Variants in CAPN1 observed in about 807,000 individuals in gnomAD.
CAPN1 encodes the protein calpain 1.
Under a neutral mutation model 105.2 loss-of-function variants are expected in CAPN1, and 77 were observed. That is an observed-to-expected ratio of 0.73 (90% CI 0.61 to 0.88). The LOEUF (loss-of-function observed/expected upper bound fraction) is 0.88, where lower values mean the gene tolerates loss of function less well. CAPN1 is among the 40% of genes least tolerant of loss of function. The pLI is 0.00. For synonymous variants in CAPN1, 355 were observed against 388.8 expected, an observed-to-expected ratio of 0.91 and a Z score of 1.02; for missense variants, 833 against 976.6, an observed-to-expected ratio of 0.85 and a Z score of 1.96.
At chr11:65,189,027 C>T (rs1948683255) in intron 10 of CAPN1, among the ~76,000 whole-genome samples, 3 of 151,752 alleles carry the variant, frequency 2.0e-5, no homozygotes, top group South Asian at 4.2e-4. Context: ...CTCCTGCCTT[C>T]GCTTTTTTTT....
intron 10 of CAPN1, among the ~76,000 whole-genome samples, chr11:65,200,381 G>A (rs1227841298): frequency 2.6e-5 from 4 of 151,386 alleles, no homozygotes; most frequent in African/African-American, 9.7e-5. Context: ...CTCTCACTCT[G>A]TCGCCCAGGC....
rs1331058635 is a variant in CAPN1 at position 65,210,246 on chromosome 11, C to A, written c.1943-90C>A. 2 of 1,154,656 alleles carry A rather than the reference C, an allele frequency of 1.7e-6. No individual in the cohort carries two copies. Among genetic ancestry groups the A allele is most frequent in the African/African-American group, 3.0e-5 (2 of 65,630 alleles). 71.5% of individuals were successfully genotyped at this position (1,154,656 alleles called of 1,614,324 possible). Reference sequence around the variant, plus strand: ...CCACGGTTACTAGCACCCTGCCTAGCCCCAGCCCCCTCCTGGGGACCCAAC... The same window carrying A: ...CCACGGTTACTAGCACCCTGCCTAGACCCAGCCCCCTCCTGGGGACCCAAC... On this transcript the variant is annotated intron_variant, in intron 19 of 21. Coordinates refer to ENST00000279247, the MANE Select transcript of CAPN1 (RefSeq NM_005186.4). This position sits in a 1 kb window ranked among gnomAD's most constrained non-coding sequence, Gnocchi z 4.3.
chr11:65,188,532 C>T lies in CAPN1; in HGVS notation c.1004+44C>T, dbSNP rs377526801. 1.4e-5 allele frequency: 22 copies of T among 1,613,070 alleles called. No homozygotes were observed. In the Admixed American group the frequency reaches 1.5e-4, roughly 11 times the overall value. ...TCTACCCCACCTCTCCACCCCTACA[C>T]ATCAGCTCTGTGCCCTGACGGGCTG... On this transcript the variant is annotated intron_variant, in intron 9 of 21. Coordinates refer to ENST00000279247, the MANE Select transcript of CAPN1 (RefSeq NM_005186.4). This position sits in a 1 kb window ranked among gnomAD's most constrained non-coding sequence, Gnocchi z 5.5.
Position 65,198,448 on chromosome 11 carries a change from A to C in CAPN1, c.1166-6235A>C, listed in dbSNP as rs141642193. Among the ~76,000 whole-genome samples the C allele has an allele frequency of 3.9e-3, 598 of 152,198 alleles. 6 individuals are homozygous for C. The highest frequency in any genetic ancestry group is 0.014 in the African/African-American group (579 of 41,554). Reference sequence around the variant, plus strand: ...GGCGTGAGCCACTGTGCCCAGCCCTAATCAATGACTTTACCCTCCTCGTGA... The same window carrying C: ...GGCGTGAGCCACTGTGCCCAGCCCTCATCAATGACTTTACCCTCCTCGTGA... On this transcript the variant is annotated intron_variant, in intron 10 of 21. Coordinates refer to ENST00000279247, the MANE Select transcript of CAPN1 (RefSeq NM_005186.4).
intron 10 of CAPN1, among the ~76,000 whole-genome samples, chr11:65,198,571 C>A (rs1433121936): frequency 6.6e-6 from 1 of 151,722 alleles, no homozygotes; most frequent in East Asian, 1.9e-4. Context: ...TTTTTTTTTC[C>A]TGCCATAATT....
rs1218012171 is a variant in CAPN1 at position 65,210,189 on chromosome 11, G to A, written c.1942+93G>A. ...GGCCCTTGTCCCTGGGGTGCTAGTG[G>A]TGACATGGTAACAGCCATCTTGTCC... is the stretch of plus-strand genomic sequence containing the variant. On this transcript the variant is annotated intron_variant, in intron 19 of 21. Transcript: ENST00000279247. The surrounding 1 kb of genome is among the most constrained non-coding windows in gnomAD (Gnocchi z 4.3). 2.5e-6 allele frequency: 3 copies of A among 1,206,254 alleles called. No individual in the cohort carries two copies. Among genetic ancestry groups the A allele is most frequent in the East Asian group, 4.7e-5 (2 of 42,608 alleles). The allele number at this position is 1,206,254 out of a possible 1,614,324, so 74.7% of individuals were successfully genotyped here.
chr11:65,206,791 A>G lies in CAPN1; in HGVS notation c.1577A>G (p.Asp526Gly). 1 of 1,612,670 alleles carries G rather than the reference A, an allele frequency of 6.2e-7. No individual in the cohort carries two copies. The highest frequency in any genetic ancestry group is 8.5e-7 in the Non-Finnish European group (1 of 1,179,448). Residue 526 changes from aspartate to glycine, a missense_variant, in exon 14 of 22, where the codon GAC becomes GGC. By Grantham distance (94) the Asp-to-Gly change is moderately conservative. Transcript: ENST00000279247. ...CCCACTCTCTGCAGGGAGCTGGATG[A>G]CCAGATCCAGGCCAATCTCCCCGAT... Reference protein sequence around the residue: ...EKSAGTVELDDQIQANLPDEQ... With the variant: ...EKSAGTVELDGQIQANLPDEQ...
rs200133179 is a variant in CAPN1, at chr11:65,188,662, C to T, written c.1081C>T (p.Arg361Trp). The T allele has an allele frequency of 7.4e-6, 12 of 1,613,844 alleles. No homozygotes were observed. The highest frequency in any genetic ancestry group is 5.0e-5 in the Admixed American group (3 of 59,994). Residue 361 changes from arginine (R) to tryptophan (W), a missense_variant, in exon 10 of 22, where the codon CGG becomes TGG. Physicochemically the swap from Arg to Trp is moderately radical, Grantham distance 101. Transcript: ENST00000279247. The surrounding 1 kb of genome is among the most constrained non-coding windows in gnomAD (Gnocchi z 5.5). ...CNLTPDALKS[R>W]TIRKWNTTLY... ...CCTCACACCCGACGCCCTCAAGAGC[C>T]GGACCATCCGCAAATGGAACACCAC...
Position 65,183,559 on chromosome 11 carries a change from C to A in CAPN1, c.423C>A (p.Phe141Leu). 1 of 1,613,774 alleles carries A rather than the reference C, an allele frequency of 6.2e-7. No individual in the cohort carries two copies. The highest frequency in any genetic ancestry group is 8.5e-7 in the Non-Finnish European group (1 of 1,179,654). Reference protein sequence around the residue: ...LHRVVPHGQSFQNGYAGIFHF... With the variant: ...LHRVVPHGQSLQNGYAGIFHF... Reference sequence around the variant, plus strand: ...GAGTGGTTCCGCACGGCCAGAGCTTCCAGAATGGCTATGCCGGCATCTTCC... The same window carrying A: ...GAGTGGTTCCGCACGGCCAGAGCTTACAGAATGGCTATGCCGGCATCTTCC... Residue 141 changes from phenylalanine to leucine, a missense_variant, in exon 4 of 22, where the codon TTC becomes TTA. By Grantham distance (22) the Phe-to-Leu change is conservative. Coordinates refer to ENST00000279247, the MANE Select transcript of CAPN1 (RefSeq NM_005186.4).
Position 65,210,308 on chromosome 11 carries a change from C to T in CAPN1, c.1943-28C>T. 2 of 1,523,486 alleles carry T rather than the reference C, an allele frequency of 1.3e-6. No individual in the cohort carries two copies. The highest frequency in any genetic ancestry group is 1.8e-6 in the Non-Finnish European group (2 of 1,102,688). 94.4% of individuals were successfully genotyped at this position (1,523,486 alleles called of 1,614,324 possible). ...CCTGTTGGGCAGGGGCTGCGCCTCACTGACCTTCACTCACTCTCCTGGACC... is the reference window on the plus strand; with the variant it reads ...CCTGTTGGGCAGGGGCTGCGCCTCATTGACCTTCACTCACTCTCCTGGACC... On this transcript the variant is annotated intron_variant, in intron 19 of 21. Coordinates refer to ENST00000279247, the MANE Select transcript of CAPN1 (RefSeq NM_005186.4). This position sits in a 1 kb window ranked among gnomAD's most constrained non-coding sequence, Gnocchi z 4.3.
Position 65,188,722 on chromosome 11 carries a change from G to A in CAPN1, c.1141G>A (p.Ala381Thr), listed in dbSNP as rs765152230. 3.2e-6 allele frequency: 5 copies of A among 1,582,936 alleles called. No individual in the cohort carries two copies. Among genetic ancestry groups the A allele is most frequent in the Middle Eastern group, 1.7e-4 (1 of 6,028 alleles). ...YEGTWRRGST[A>T]GGCRNYPATF... ...AGGCACCTGGCGGCGGGGGAGCACC[G>A]CGGGGGGCTGCCGAAACTACCCAGG... Residue 381 changes from alanine (A) to threonine (T), a missense_variant, in exon 10 of 22, where the codon GCG becomes ACG. Transcript: ENST00000279247. This position sits in a 1 kb window ranked among gnomAD's most constrained non-coding sequence, Gnocchi z 5.5.
chr11:65,209,537 G>A lies in CAPN1; in HGVS notation c.1794+150G>A, dbSNP rs567455616. On this transcript the variant is annotated intron_variant, in intron 17 of 21. Coordinates refer to ENST00000279247, the MANE Select transcript of CAPN1 (RefSeq NM_005186.4). This position sits in a 1 kb window ranked among gnomAD's most constrained non-coding sequence, Gnocchi z 4.1. The stretch of plus-strand genomic sequence containing the variant: ...CCCATGCTCAGATGTCTCCCTGGAC[G>A]TCTTCCTGTTGGTTGGGAGGGAGAA... 11 of 722,566 alleles carry A rather than the reference G, an allele frequency of 1.5e-5. No individual in the cohort carries two copies. Among genetic ancestry groups the A allele is most frequent in the South Asian group, 8.5e-5 (5 of 58,746 alleles). The allele number at this position is 722,566 out of a possible 1,614,324, so 44.8% of individuals were successfully genotyped here.
Position 65,188,723 on chromosome 11 carries a change from CG to C in CAPN1, c.1148del (p.Gly383AlafsTer11). On this transcript the variant is annotated frameshift_variant, in exon 10 of 22. Transcript: ENST00000279247. LOFTEE classifies it high-confidence loss of function. The surrounding 1 kb of genome is among the most constrained non-coding windows in gnomAD (Gnocchi z 5.5). ...YEGTWRRGST[A>X]GGCRNYPATF... is the part of the protein sequence containing the mutation. ...GGCACCTGGCGGCGGGGGAGCACCGCGGGGGGCTGCCGAAACTACCCAGGTG... is the reference window on the plus strand; with the variant it reads ...GGCACCTGGCGGCGGGGGAGCACCGCGGGGGCTGCCGAAACTACCCAGGTG... 6.3e-7 allele frequency: 1 copy of C among 1,583,198 alleles called. No individual in the cohort carries two copies. The highest frequency in any genetic ancestry group is 1.1e-5 in the South Asian group (1 of 87,434).
In CAPN1 at chr11:65,188,698, G is replaced by C; in HGVS notation, c.1117G>C (p.Gly373Arg). ...IRKWNTTLYE[G>R]TWRRGSTAGG... is the part of the protein sequence containing the mutation. ...CAAATGGAACACCACACTCTACGAA[G>C]GCACCTGGCGGCGGGGGAGCACCGC... Residue 373 changes from glycine (G) to arginine (R), a missense_variant, in exon 10 of 22, where the codon GGC (glycine) becomes CGC (arginine). Physicochemically the swap from Gly to Arg is moderately radical, Grantham distance 125 (BLOSUM62 -2). Transcript: ENST00000279247. This position sits in a 1 kb window ranked among gnomAD's most constrained non-coding sequence, Gnocchi z 5.5. 1.2e-6 allele frequency: 2 copies of C among 1,607,572 alleles called. No homozygotes were observed. The highest frequency in any genetic ancestry group is 1.7e-6 in the Non-Finnish European group (2 of 1,177,014).
Position 65,209,469 on chromosome 11 carries a change from C to T in CAPN1, c.1794+82C>T, listed in dbSNP as rs1030377507. 1 of 1,195,474 alleles carries T rather than the reference C, an allele frequency of 8.4e-7. No individual in the cohort carries two copies. The highest frequency in any genetic ancestry group is 2.4e-5 in the East Asian group (1 of 40,882). The allele number at this position is 1,195,474 out of a possible 1,614,324, so 74.1% of individuals were successfully genotyped here. A position where few individuals can be genotyped will look rare whatever the true frequency, so the allele number is the denominator to read the frequency against. ...CTGGGAGAACTGTCCCAGGACAGCA[C>T]AGAGAACAGGACAGAGCCATGCGGA... is the stretch of plus-strand genomic sequence containing the variant. On this transcript the variant is annotated intron_variant, in intron 17 of 21. Transcript: ENST00000279247. This position sits in a 1 kb window ranked among gnomAD's most constrained non-coding sequence, Gnocchi z 4.1.
chr11:65,187,171 G>A (rs770972829), intron 6 of CAPN1, 44 bp from the exon 7 acceptor site: 22 of 1,421,170 alleles, frequency 1.5e-5, no homozygotes, highest in Middle Eastern at 3.5e-4. Flanking sequence ...CTGATAGGGC[G>A]GGGGGACCTA....
chr11:65,210,493 C>A lies in CAPN1; in HGVS notation c.2059+41C>A. 2 of 1,201,008 alleles carry A rather than the reference C, an allele frequency of 1.7e-6. No individual in the cohort carries two copies. Among genetic ancestry groups the A allele is most frequent in the South Asian group, 1.3e-5 (1 of 79,918 alleles). 74.4% of individuals were successfully genotyped at this position (1,201,008 alleles called of 1,614,324 possible). Reference sequence around the variant, plus strand: ...TGCCTCCCACCCTCCAGCTCCGTCCCAAACGCGTCCCCCAGGAGCTGGGGG... The same window carrying A: ...TGCCTCCCACCCTCCAGCTCCGTCCAAAACGCGTCCCCCAGGAGCTGGGGG... On this transcript the variant is annotated intron_variant, in intron 20 of 21. Coordinates refer to ENST00000279247, the MANE Select transcript of CAPN1 (RefSeq NM_005186.4). This position sits in a 1 kb window ranked among gnomAD's most constrained non-coding sequence, Gnocchi z 4.3.
Position 65,208,051 on chromosome 11 carries a change from C to T in CAPN1, c.1606-4C>T, listed in dbSNP as rs200745092. 28 of 1,588,786 alleles carry T rather than the reference C, an allele frequency of 1.8e-5. No homozygotes were observed. The highest frequency in any genetic ancestry group is 4.6e-5 in the South Asian group (4 of 87,060). On this transcript the variant is annotated splice_region_variant and splice_polypyrimidine_tract_variant and intron_variant, in intron 14 of 21. Transcript: ENST00000279247. The surrounding 1 kb of genome is among the most constrained non-coding windows in gnomAD (Gnocchi z 4.1). The stretch of plus-strand genomic sequence containing the variant: ...TTACCTGCTTTCTCCCCTTCTCGGT[C>T]CAGCAAGTGCTCTCAGAAGAGGAGA...
chr11:65,198,397 C>T (rs1297647775), intron 10 of CAPN1, among the ~76,000 whole-genome samples: 1 of 152,092 alleles, frequency 6.6e-6, no homozygotes, highest in African/African-American at 2.4e-5. Context: ...CCACCTGCCT[C>T]GGCCTCCCAA....
Sources: allele counts gnomAD v4.1 joint callset (sites outside exome capture counted in the v4.1 genomes callset), GRCh38; gene constraint gnomAD v4.1.1; non-coding constraint Gnocchi (gnomAD v3.1); transcripts MANE v1.5; gene names NCBI Gene and HGNC (gene_info 2026-07-23, HGNC 2026-07-21).